AGBL1: variants seen among roughly 807,000 people sequenced by gnomAD.
AGBL1 encodes the protein cytosolic carboxypeptidase 4.
In AGBL1, 130 loss-of-function variants were observed where a neutral mutation model predicts 118.9. The ratio of observed to expected loss-of-function variants is 1.09; its 90% CI spans 0.95 to 1.26. The LOEUF is 1.26. Among genes scored for constraint, AGBL1 ranks in the 50% most tolerant of loss-of-function variants. The pLI is 0.00. For missense variants in AGBL1, 1,584 were observed against 1,298.1 expected, an observed-to-expected ratio of 1.22 and a Z score of -3.38; for synonymous variants, 555 against 478.9, an observed-to-expected ratio of 1.16 and a Z score of -2.08.
chr15:86,634,912 A>G (rs1411355512), intron 21 of AGBL1, among the ~76,000 whole-genome samples: 1 of 152,046 alleles, frequency 6.6e-6, no homozygotes, highest in African/African-American at 2.4e-5. Context: ...TTTTTCTTTA[A>G]ATTATCTCTA....
At chr15:86,278,305 G>A (rs577846986) in intron 15 of AGBL1, among the ~76,000 whole-genome samples, 2 of 147,018 alleles carry the variant, frequency 1.4e-5, no homozygotes, top group South Asian at 4.2e-4. Context: ...GGCTTATGTT[G>A]TTACAGGGTA....
At chr15:86,639,917 C>A (rs2085163566) in intron 21 of AGBL1, among the ~76,000 whole-genome samples, 1 of 152,254 alleles carries the variant, frequency 6.6e-6, no homozygotes, top group African/African-American at 2.4e-5. Flanking sequence ...TTGTCCTTAT[C>A]TTCTGCTTTC....
chr15:86,834,495 C>T (rs2079146041), intron 22 of AGBL1, among the ~76,000 whole-genome samples: 1 of 152,122 alleles, frequency 6.6e-6, no homozygotes, highest in African/African-American at 2.4e-5. Context: ...TACAGGCCCT[C>T]TTAGGGATAA....
intron 21 of AGBL1, among the ~76,000 whole-genome samples, chr15:86,667,806 A>T (rs1567112164): frequency 6.6e-6 from 1 of 152,144 alleles, no homozygotes; most frequent in African/African-American, 2.4e-5. Context: ...TCCTATTTAT[A>T]TGTTTAGCTC....
intron 22 of AGBL1, among the ~76,000 whole-genome samples, chr15:86,691,338 C>A (rs1419720224): frequency 6.6e-6 from 1 of 152,158 alleles, no homozygotes; most frequent in Non-Finnish European, 1.5e-5. Flanking sequence ...TGGGTGCTAT[C>A]TTCTCACATG....
chr15:86,098,096 G>T (rs1010293458), intron 1 of AGBL1, among the ~76,000 whole-genome samples: 7 of 151,898 alleles, frequency 4.6e-5, no homozygotes, highest in Non-Finnish European at 1.0e-4. Context: ...TCATATACTT[G>T]TTGACCATTT....
intron 5 of AGBL1, among the ~76,000 whole-genome samples, chr15:86,207,379 T>C (rs1376035164): frequency 2.0e-5 from 3 of 152,210 alleles, no homozygotes; most frequent in East Asian, 3.8e-4. Context: ...GGGGATGGCA[T>C]TGAATCTATA....
chr15:86,175,649 C>T (rs543711720), intron 5 of AGBL1, among the ~76,000 whole-genome samples: 8 of 152,156 alleles, frequency 5.3e-5, no homozygotes, highest in Admixed American at 1.3e-4. Flanking sequence ...CTATAAACTT[C>T]TCTTAGCACC....
At chr15:86,140,543 C>G (rs762481332) in intron 1 of AGBL1, among the ~76,000 whole-genome samples, 18 of 152,188 alleles carry the variant, frequency 1.2e-4, no homozygotes, top group Non-Finnish European at 2.2e-4. Context: ...CTTTAAATAT[C>G]TTCATACCTA....
At chr15:86,548,224 C>T (rs749491593) in intron 20 of AGBL1, among the ~76,000 whole-genome samples, 2 of 152,066 alleles carry the variant, frequency 1.3e-5, no homozygotes, top group African/African-American at 2.4e-5. Context: ...CCTTCATTAC[C>T]ATCAAAAGTG....
intron 1 of AGBL1, among the ~76,000 whole-genome samples, chr15:86,119,908 C>G (rs1249677328): frequency 1.3e-5 from 2 of 152,092 alleles, no homozygotes; most frequent in Non-Finnish European, 2.9e-5. Flanking sequence ...AAGAATTTGT[C>G]CATAATCTGT....
intron 13 of AGBL1, 30 bp downstream of exon 13, chr15:86,267,106 C>A (rs1228552437): frequency 1.3e-6 from 2 of 1,501,540 alleles, no homozygotes; most frequent in Non-Finnish European, 1.8e-6. Flanking sequence ...GTGGGTGTCT[C>A]CTGTCAGTTC....
At position 86,868,171 on chromosome 15, in the gene AGBL1, GA is replaced by G. The variant is rs922480584; in HGVS notation, c.3159-38908del. On this transcript the variant is annotated intron_variant, in intron 22 of 22. Transcript: ENST00000614907. ...AGTTGAAGACACATGAAACGTACAT[GA>G]AAAAAAACATGAAAAAATAGGCAAG... 4.5e-4 allele frequency among the ~76,000 whole-genome samples: 68 copies of G among 151,942 alleles called. 3 individuals carry two copies. The highest frequency in any genetic ancestry group is 2.6e-4 in the Non-Finnish European group (18 of 67,926).
chr15:86,399,009 T>C (rs1447376183), intron 18 of AGBL1, among the ~76,000 whole-genome samples: 2 of 152,234 alleles, frequency 1.3e-5, no homozygotes, highest in Middle Eastern at 3.4e-3. Flanking sequence ...TACTTTTTTA[T>C]AGAGATTATT....
intron 24 of AGBL1, among the ~76,000 whole-genome samples, chr15:87,018,112 T>C (rs2081625752): frequency 7.5e-6 from 1 of 132,966 alleles, no homozygotes. Flanking sequence ...CCAAGAAATA[T>C]GGGATCATGT....
At position 86,247,770 on chromosome 15, in the gene AGBL1, A is replaced by G. The variant is rs1397797474; in HGVS notation, c.626A>G (p.Gln209Arg). The G allele has an allele frequency of 6.2e-7, 1 of 1,613,994 alleles. No individual in the cohort carries two copies. Among genetic ancestry groups the G allele is most frequent in the Non-Finnish European group, 8.5e-7 (1 of 1,179,868 alleles). ...CATGACACAGCCAACGCCTACGTGC[A>G]GATCCGACGGGGCTTGCTGCTCTGC... Reference protein sequence around the residue: ...HSHDTANAYVQIRRGLLLCLR... With the variant: ...HSHDTANAYVRIRRGLLLCLR... The change falls in exon 7 of 23, where the codon CAG becomes CGG. Residue 209 changes from glutamine to arginine, a missense_variant. Gln to Arg is a conservative substitution (Grantham distance 43, BLOSUM62 1). Coordinates refer to ENST00000614907, the MANE Select transcript of AGBL1 (RefSeq NM_001386094.1).
At chr15:86,187,110 G>T (rs924839334) in intron 5 of AGBL1, among the ~76,000 whole-genome samples, 1 of 152,098 alleles carries the variant, frequency 6.6e-6, no homozygotes, top group Non-Finnish European at 1.5e-5. Context: ...TGCTGCAAAC[G>T]CACACATTGG....
intron 22 of AGBL1, among the ~76,000 whole-genome samples, chr15:86,899,301 C>T (rs527418795): frequency 2.0e-5 from 3 of 152,194 alleles, no homozygotes; most frequent in African/African-American, 7.2e-5. Flanking sequence ...AACCAAATAC[C>T]ACGTGTTATC....
intron 5 of AGBL1, among the ~76,000 whole-genome samples, chr15:86,217,827 C>T (rs149467322): frequency 6.8e-6 from 1 of 146,552 alleles, no homozygotes; most frequent in African/African-American, 2.6e-5. Context: ...GCCTCCTGGT[C>T]CATGTTTCAG....
Sources: allele counts gnomAD v4.1 joint callset (sites outside exome capture counted in the v4.1 genomes callset), GRCh38; gene constraint gnomAD v4.1.1; transcripts MANE v1.5; gene names NCBI Gene and HGNC (gene_info 2026-07-23, HGNC 2026-07-21).